PCDHGB5: variants seen among roughly 807,000 people sequenced by gnomAD.
PCDHGB5 encodes the protein protocadherin gamma subfamily B, 5, also known as protocadherin gamma-B5.
PCDHGB5 carries 48 observed loss-of-function variants against 62.9 expected under a neutral mutation model. The ratio of observed to expected loss-of-function variants is 0.76; its 90% confidence interval spans 0.61 to 0.97. The LOEUF (loss-of-function observed/expected upper bound fraction) is 0.97, where lower values mean the gene tolerates loss of function less well. PCDHGB5 is among the 50% of genes least tolerant of loss of function. PCDHGB5 has a pLI of 0.00. For missense variants in PCDHGB5, 1,118 were observed against 1,198.6 expected, an observed-to-expected ratio of 0.93 and a Z score of 0.99; for synonymous variants, 474 against 511.2, an observed-to-expected ratio of 0.93 and a Z score of 0.98.
intron 1 of PCDHGB5, among the ~76,000 whole-genome samples, chr5:141,429,503 C>T (rs890656634): frequency 1.3e-5 from 2 of 151,922 alleles, no homozygotes; most frequent in Admixed American, 6.6e-5. Context: ...TTGCCTGAAA[C>T]TGTGCCTGGC....
intron 1 of PCDHGB5, among the ~76,000 whole-genome samples, chr5:141,470,624 A>G (rs1421700811): frequency 6.6e-6 from 1 of 152,220 alleles, no homozygotes; most frequent in Non-Finnish European, 1.5e-5. Flanking sequence ...TCATGCTTAG[A>G]TAGGCCCCCT....
chr5:141,409,566 C>G (rs750850161), intron 1 of PCDHGB5: 1 of 1,613,978 alleles, frequency 6.2e-7, no homozygotes, highest in South Asian at 1.1e-5. Flanking sequence ...TTCGACCAGA[C>G]GTCCTACGTG....
At chr5:141,427,683 G>A (rs761750638) in intron 1 of PCDHGB5, 3 of 836,052 alleles carry the variant, frequency 3.6e-6, no homozygotes, top group South Asian at 2.8e-5. Flanking sequence ...CCTTCCCGGA[G>A]CCTCCATCCC....
chr5:141,419,877 C>G (rs1272137716), intron 1 of PCDHGB5: 24 of 1,614,062 alleles, frequency 1.5e-5, no homozygotes, highest in Non-Finnish European at 1.9e-5. Flanking sequence ...GAGGTACTGC[C>G]GGATTTCAGC....
intron 1 of PCDHGB5, among the ~76,000 whole-genome samples, chr5:141,401,180 A>G (rs1006390606): frequency 2.6e-5 from 4 of 152,196 alleles, no homozygotes; most frequent in Non-Finnish European, 5.9e-5. Context: ...CGTCTCTACT[A>G]AAAATACAAA....
At chr5:141,440,770 G>A (rs2098199385) in intron 1 of PCDHGB5, 1 of 152,176 alleles carries the variant, frequency 6.6e-6, no homozygotes, top group African/African-American at 2.4e-5. Flanking sequence ...CCATCCCTTA[G>A]TGCTAGCAGC....
chr5:141,485,920 T>G lies in PCDHGB5; in HGVS notation c.2398-8887T>G. 4 of 1,614,038 alleles carry G rather than the reference T, an allele frequency of 2.5e-6. No individual in the cohort carries two copies. Among genetic ancestry groups the G allele is most frequent in the Non-Finnish European group, 3.4e-6 (4 of 1,180,010 alleles). ...CCTTCCAGCAATCCAGCTACAGGAT[T>G]AGTGTGTTGGAGAGCGCACCAGCGG... On this transcript the variant is annotated intron_variant, in intron 1 of 3. Transcript: ENST00000617380. The surrounding 1 kb of genome is among the most constrained non-coding windows in gnomAD (Gnocchi z 5.7).
chr5:141,511,560 TC>T lies in PCDHGB5; in HGVS notation c.*390del. ...CCACCCCACTCCAACAGTTCCTCTT[TC>T]CCGAGTAAGGTGGTTGGGGTGTTGA... On this transcript the variant is annotated 3_prime_UTR_variant, in exon 4 of 4. Transcript: ENST00000617380. 3.3e-6 allele frequency: 1 copy of T among 298,990 alleles called. No individual in the cohort carries two copies. The highest frequency in any genetic ancestry group is 3.7e-5 in the South Asian group (1 of 27,250). The allele number at this position is 298,990 out of a possible 1,614,324, so 18.5% of individuals were successfully genotyped here. A position where few individuals can be genotyped will look rare whatever the true frequency, so the allele number is the denominator to read the frequency against.
At position 141,431,416 on chromosome 5, in the gene PCDHGB5, C is replaced by T. The variant is rs778722151; in HGVS notation, c.2397+30892C>T. Reference sequence around the variant, plus strand: ...TCCTTACGGCCTCCGACGGGGGCGACCCGGTGCGCACAGGCACCGCGCGCA... The same window carrying T: ...TCCTTACGGCCTCCGACGGGGGCGATCCGGTGCGCACAGGCACCGCGCGCA... On this transcript the variant is annotated intron_variant, in intron 1 of 3. Transcript: ENST00000617380. This position sits in a 1 kb window ranked among gnomAD's most constrained non-coding sequence, Gnocchi z 4.8. 2.5e-6 allele frequency: 4 copies of T among 1,613,714 alleles called. No homozygotes were observed. Among genetic ancestry groups the T allele is most frequent in the Admixed American group, 1.7e-5 (1 of 60,028 alleles).
chr5:141,478,372 G>A (rs778468803), intron 1 of PCDHGB5: 2 of 1,613,704 alleles, frequency 1.2e-6, no homozygotes, highest in Non-Finnish European at 8.5e-7. Flanking sequence ...GAGGCCTGAT[G>A]TCGCCGCACC....
intron 2 of PCDHGB5, among the ~76,000 whole-genome samples, chr5:141,501,528 A>G (rs1173385747): frequency 6.6e-6 from 1 of 151,978 alleles, no homozygotes; most frequent in Non-Finnish European, 1.5e-5. Context: ...GAAGCCCAGT[A>G]CGTTGTTGTG....
At chr5:141,436,439 A>G (rs1481744238) in intron 1 of PCDHGB5, among the ~76,000 whole-genome samples, 5 of 152,208 alleles carry the variant, frequency 3.3e-5, no homozygotes, top group African/African-American at 1.2e-4. Flanking sequence ...TCTGGGGATT[A>G]CCTGATACCA....
chr5:141,432,600 C>T lies in PCDHGB5; in HGVS notation c.2397+32076C>T, dbSNP rs901310090. The T allele has an allele frequency of 1.9e-6, 3 of 1,613,832 alleles. No individual in the cohort carries two copies. The East Asian group carries it at 6.7e-5, about 36-fold the overall frequency. ...TACCGTCTGCTCAAGGCCAGCGAGCCGGGACTCTTCTCGGTGGGTCTGCAC... is the reference window on the plus strand; with the variant it reads ...TACCGTCTGCTCAAGGCCAGCGAGCTGGGACTCTTCTCGGTGGGTCTGCAC... On this transcript the variant is annotated intron_variant, in intron 1 of 3. Transcript: ENST00000617380. The surrounding 1 kb of genome is among the most constrained non-coding windows in gnomAD (Gnocchi z 6.0).
intron 1 of PCDHGB5, chr5:141,413,604 C>T: frequency 5.6e-6 from 9 of 1,613,818 alleles, no homozygotes; most frequent in Non-Finnish European, 7.6e-6. Flanking sequence ...AAAATCTAGA[C>T]GTAAAAATTA....
chr5:141,455,852 T>C (rs2154565235), intron 1 of PCDHGB5, among the ~76,000 whole-genome samples: 1 of 148,622 alleles, frequency 6.7e-6, no homozygotes, highest in South Asian at 2.1e-4. Context: ...CATAAAATAA[T>C]TTCTTTTATT....
chr5:141,500,484 C>T (rs2099800696), intron 2 of PCDHGB5, among the ~76,000 whole-genome samples: 1 of 152,304 alleles, frequency 6.6e-6, no homozygotes, highest in Non-Finnish European at 1.5e-5. Context: ...GCTGGGATTA[C>T]AGGCGTGAGC....
At chr5:141,445,148 C>A (rs1051995635) in intron 1 of PCDHGB5, among the ~76,000 whole-genome samples, 3 of 152,092 alleles carry the variant, frequency 2.0e-5, no homozygotes, top group Non-Finnish European at 4.4e-5. Context: ...TCTAATTGTT[C>A]ATTTCTAGTT....
chr5:141,497,540 C>CA (rs1491509812), intron 2 of PCDHGB5, among the ~76,000 whole-genome samples: 7 of 134,922 alleles, frequency 5.2e-5, no homozygotes, highest in Admixed American at 1.5e-4. Flanking sequence ...TGCAACAAAC[C>CA]TTTTTTTTTT....
intron 1 of PCDHGB5, chr5:141,407,992 G>A (rs929571955): frequency 4.3e-5 from 37 of 851,508 alleles, no homozygotes; most frequent in Middle Eastern, 3.7e-4. Context: ...GTCAGCCTCT[G>A]GCCTGGGATT....
Sources: gnomAD v4.1 joint callset for allele counts (sites outside exome capture counted in the v4.1 genomes callset) on GRCh38, gnomAD v4.1.1 for gene constraint, Gnocchi (gnomAD v3.1) non-coding constraint, MANE v1.5 for transcripts, NCBI Gene and HGNC (gene_info 2026-07-23, HGNC 2026-07-21) for gene names.